Variants in GRM3 observed in about 807,000 individuals in gnomAD.
GRM3 encodes metabotropic glutamate receptor 3.
A neutral mutation model predicts 70.5 loss-of-function variants in GRM3; 26 were observed. That is an observed-to-expected ratio of 0.37 (90% CI 0.27 to 0.51). The LOEUF (loss-of-function observed/expected upper bound fraction) is 0.51. Ranked by LOEUF, GRM3 falls within the 20% of genes least tolerant of loss-of-function variation. GRM3 has a pLI of 0.93. For missense variants in GRM3, 859 were observed against 1,123.8 expected (o/e 0.76, Z 3.37); for synonymous variants, 443 against 434.9 (o/e 1.02, Z -0.23).
chr7:86,809,860 A>C (rs1009571068), intron 3 of GRM3, among the ~76,000 whole-genome samples: 1 of 151,990 alleles, frequency 6.6e-6, no homozygotes, highest in African/African-American at 2.4e-5. Flanking sequence ...AAAAGAAAAA[A>C]TTCTTTCACA....
At chr7:86,699,940 G>A (rs1794912419) in intron 1 of GRM3, among the ~76,000 whole-genome samples, 1 of 151,958 alleles carries the variant, frequency 6.6e-6, no homozygotes, top group African/African-American at 2.4e-5. Flanking sequence ...CTTAATGAAT[G>A]TCTATTCTAC....
At chr7:86,711,845 A>C (rs1795206923) in intron 1 of GRM3, among the ~76,000 whole-genome samples, 1 of 151,996 alleles carries the variant, frequency 6.6e-6, no homozygotes, top group South Asian at 2.1e-4. Context: ...TTTTATTTAC[A>C]CTTAGGGAAC....
chr7:86,739,929 T>C (rs968809408), intron 1 of GRM3, among the ~76,000 whole-genome samples: 5 of 152,156 alleles, frequency 3.3e-5, no homozygotes, highest in African/African-American at 1.2e-4. Context: ...AAATGTAAAT[T>C]TCCTCTAGCT....
intron 1 of GRM3, among the ~76,000 whole-genome samples, chr7:86,651,225 T>A (rs1476511967): frequency 6.6e-6 from 1 of 152,204 alleles, no homozygotes; most frequent in Non-Finnish European, 1.5e-5. Context: ...ACCAAAGGGC[T>A]GAAACAAATC....
At chr7:86,780,101 A>G (rs1216788875) in intron 2 of GRM3, among the ~76,000 whole-genome samples, 1 of 152,192 alleles carries the variant, frequency 6.6e-6, no homozygotes, top group Admixed American at 6.5e-5. Flanking sequence ...TATGTGTCAC[A>G]TTTTCTTAAT....
chr7:86,686,895 A>C (rs1056366692), intron 1 of GRM3, among the ~76,000 whole-genome samples: 3 of 152,008 alleles, frequency 2.0e-5, no homozygotes, highest in African/African-American at 7.2e-5. Flanking sequence ...ATGGAATTTC[A>C]GTGGAAACCT....
chr7:86,673,820 A>C (rs1258234469), intron 1 of GRM3, among the ~76,000 whole-genome samples: 1 of 152,156 alleles, frequency 6.6e-6, no homozygotes, highest in Admixed American at 6.6e-5. Flanking sequence ...CATGGGAATC[A>C]ACATTGACTC....
At chr7:86,754,186 G>A (rs76202014) in intron 1 of GRM3, among the ~76,000 whole-genome samples, 3,269 of 152,182 alleles carry the variant, frequency 0.021, 104 homozygotes, top group African/African-American at 0.072. Flanking sequence ...TTCTATTTGA[G>A]TATGGGGTTC....
intron 2 of GRM3, among the ~76,000 whole-genome samples, chr7:86,774,031 CA>C (rs760523250): frequency 2.0e-5 from 3 of 152,038 alleles, no homozygotes; most frequent in Non-Finnish European, 4.4e-5. Context: ...AAGATAGCAG[CA>C]GTGTTTTATG....
At chr7:86,787,235 C>A in intron 3 of GRM3, 119 bp downstream of exon 3, 1 of 820,782 alleles carries the variant, frequency 1.2e-6, no homozygotes, top group Non-Finnish European at 1.9e-6. Context: ...AGGGTTCAAA[C>A]TGTTAACCAA....
chr7:86,689,343 A>G (rs1278161615), intron 1 of GRM3, among the ~76,000 whole-genome samples: 1 of 152,034 alleles, frequency 6.6e-6, no homozygotes, highest in Non-Finnish European at 1.5e-5. Context: ...TAATTCATTT[A>G]TTCTACAATT....
chr7:86,821,008 G>A (rs1156543713), intron 3 of GRM3, among the ~76,000 whole-genome samples: 2 of 152,104 alleles, frequency 1.3e-5, no homozygotes, highest in Non-Finnish European at 2.9e-5. Context: ...ACTACTTGTA[G>A]CTTTTTACTT....
At chr7:86,850,286 T>A (rs1798731840) in intron 4 of GRM3, 84 bp from the exon 5 acceptor site, 1 of 861,852 alleles carries the variant, frequency 1.2e-6, no homozygotes, top group African/African-American at 1.7e-5. Context: ...GATTTTTCAT[T>A]TTGGTCTTAT....
chr7:86,720,273 G>A (rs1584191853), intron 1 of GRM3, among the ~76,000 whole-genome samples: 1 of 152,116 alleles, frequency 6.6e-6, no homozygotes, highest in Non-Finnish European at 1.5e-5. Flanking sequence ...AGGACACTGA[G>A]ATAGAGGCTA....
intron 1 of GRM3, among the ~76,000 whole-genome samples, chr7:86,684,847 C>A (rs768930347): frequency 6.6e-5 from 10 of 152,156 alleles, no homozygotes; most frequent in Non-Finnish European, 1.5e-4. Flanking sequence ...GCTTTGTGAC[C>A]ATGGGCAATT....
At chr7:86,860,103 T>C (rs771692348) in intron 5 of GRM3, among the ~76,000 whole-genome samples, 6 of 152,182 alleles carry the variant, frequency 3.9e-5, no homozygotes, top group African/African-American at 4.8e-5. Flanking sequence ...TAGGGCTACA[T>C]GCCTCTTATG....
At chr7:86,669,817 A>C (rs1336757490) in intron 1 of GRM3, among the ~76,000 whole-genome samples, 2 of 152,202 alleles carry the variant, frequency 1.3e-5, no homozygotes, top group African/African-American at 4.8e-5. Flanking sequence ...TTAAGAACAG[A>C]ATACACTTAG....
chr7:86,863,155 G>T (rs1798991706), intron 5 of GRM3, among the ~76,000 whole-genome samples: 1 of 152,120 alleles, frequency 6.6e-6, no homozygotes, highest in East Asian at 1.9e-4. Flanking sequence ...AGAGAATGGG[G>T]CTCCTTGCTT....
chr7:86,758,716 C>G (rs1796407452), intron 1 of GRM3, among the ~76,000 whole-genome samples: 1 of 152,104 alleles, frequency 6.6e-6, no homozygotes, highest in Admixed American at 6.6e-5. Flanking sequence ...CTCATAAAAT[C>G]ATTTTCCTCT....
Sources: allele counts gnomAD v4.1 joint callset (sites outside exome capture counted in the v4.1 genomes callset), GRCh38; gene constraint gnomAD v4.1.1; transcripts MANE v1.5; gene names NCBI Gene and HGNC (gene_info 2026-07-23, HGNC 2026-07-21).